The following NECTIN1 variants were observed in gnomAD, a reference collection of about 807,000 sequenced individuals.
The protein encoded by NECTIN1 is nectin cell adhesion molecule 1.
A neutral mutation model predicts 48.0 loss-of-function variants in NECTIN1; 23 were observed. That is an observed-to-expected ratio of 0.48 (90% CI 0.34 to 0.68). The LOEUF is 0.68. Ranked by LOEUF, NECTIN1 falls within the 30% of genes least tolerant of loss-of-function variation. The probability of loss-of-function intolerance (pLI) is 0.01; values close to 1 mark genes in which losing one functional copy is unlikely to be tolerated. For missense variants in NECTIN1, 591 were observed against 709.9 expected (o/e 0.83, Z 1.90); for synonymous variants, 270 against 288.9 (o/e 0.93, Z 0.66).
chr11:119,705,112 A>G (rs1404842093), intron 1 of NECTIN1, among the ~76,000 whole-genome samples: 1 of 152,166 alleles, frequency 6.6e-6, no homozygotes, highest in Non-Finnish European at 1.5e-5. Context: ...GGGTGGAACC[A>G]TAAGGGAGAT....
At chr11:119,700,058 G>A (rs779259314) in intron 1 of NECTIN1, among the ~76,000 whole-genome samples, 3 of 152,204 alleles carry the variant, frequency 2.0e-5, no homozygotes, top group Non-Finnish European at 2.9e-5. Flanking sequence ...GCACTGTAGC[G>A]ACAACCGTGT....
intron 1 of NECTIN1, among the ~76,000 whole-genome samples, chr11:119,702,098 C>G (rs1591476707): frequency 6.6e-6 from 1 of 152,194 alleles, no homozygotes; most frequent in African/African-American, 2.4e-5. Flanking sequence ...GTGGCACCAG[C>G]CTGGGGACAG....
chr11:119,648,415 GTGGTGATGGTGGTGA>G lies in NECTIN1; in HGVS notation c.1004-8418_1004-8404del, dbSNP rs1565376859. Among the ~76,000 whole-genome samples the G allele has an allele frequency of 3.2e-3, 99 of 31,258 alleles. 6 individuals carry two copies. The highest frequency in any genetic ancestry group is 3.9e-3 in the Non-Finnish European group (56 of 14,330). 20.5% of individuals were successfully genotyped at this position (31,258 alleles called of 152,430 possible). A position where few individuals can be genotyped will look rare whatever the true frequency, so the allele number is the denominator to read the frequency against. ...GGTGATGGTGGTGATGGTGATGGTGGTGGTGATGGTGGTGATGGTGGTGGTGCTGGGCCAGCTGCA... is the reference window on the plus strand; with the variant it reads ...GGTGATGGTGGTGATGGTGATGGTGGTGGTGGTGGTGCTGGGCCAGCTGCA... On this transcript the variant is annotated intron_variant, in intron 5 of 7. Coordinates refer to the NECTIN1 transcript ENST00000341398.
At chr11:119,716,437 C>T (rs1036398800) in intron 1 of NECTIN1, among the ~76,000 whole-genome samples, 4 of 152,178 alleles carry the variant, frequency 2.6e-5, no homozygotes, top group African/African-American at 9.7e-5. Context: ...ATGTTATTCG[C>T]CCCTTCCAGC....
At chr11:119,715,169 G>T (rs1261180688) in intron 1 of NECTIN1, among the ~76,000 whole-genome samples, 7 of 152,094 alleles carry the variant, frequency 4.6e-5, no homozygotes, top group Admixed American at 2.6e-4. Context: ...GTGGTTAGGG[G>T]TTTTAGGAAG....
In NECTIN1 at chr11:119,665,080, C is replaced by G. The variant is rs746230243; in HGVS notation, c.1221G>C (p.Gln407His). 3 of 1,613,890 alleles carry G rather than the reference C, an allele frequency of 1.9e-6. No homozygotes were observed. In the African/African-American group the frequency reaches 4.0e-5, roughly 22 times the overall value. ...GNGYSKAGIP[Q>H]HHPPMAQNLQ... is the part of the protein sequence containing the mutation. ...GGTTCTGTGCCATTGGTGGGTGGTG[C>G]TGGGGGATGCCTGCCTTGCTGTAGC... Residue 407 changes from glutamine (Q) to histidine (H), a missense_variant, in exon 6 of 6, where the codon CAG becomes CAC. By Grantham distance (24) the Gln-to-His change is conservative. Coordinates refer to ENST00000264025, the MANE Select transcript of NECTIN1 (RefSeq NM_002855.5). This position sits in a 1 kb window ranked among gnomAD's most constrained non-coding sequence, Gnocchi z 5.1.
Position 119,704,525 on chromosome 11 carries a change from T to G in NECTIN1, c.79+23950A>C, listed in dbSNP as rs575018909. 2.0e-5 allele frequency among the ~76,000 whole-genome samples: 3 copies of G among 152,186 alleles called. No homozygotes were observed. In the East Asian group the frequency reaches 5.8e-4, roughly 29 times the overall value. ...AGCCACTGCACGCAGTCCACCCCCG[T>G]GTTTCTTGAAATGGAGAGCCCAGAG... is the stretch of plus-strand genomic sequence containing the variant. On this transcript the variant is annotated intron_variant, in intron 1 of 5. Coordinates refer to ENST00000264025, the MANE Select transcript of NECTIN1 (RefSeq NM_002855.5).
At chr11:119,717,587 GTTA>G (rs1435091050) in intron 1 of NECTIN1, among the ~76,000 whole-genome samples, 1 of 152,176 alleles carries the variant, frequency 6.6e-6, no homozygotes, top group Non-Finnish European at 1.5e-5. Context: ...CCGCTCCAGT[GTTA>G]TTTACAGTGT....
At chr11:119,675,887 T>A (rs940918448) in intron 4 of NECTIN1, among the ~76,000 whole-genome samples, 1 of 152,038 alleles carries the variant, frequency 6.6e-6, no homozygotes, top group Non-Finnish European at 1.5e-5. Flanking sequence ...ACGCCTGTAG[T>A]CCCAGTTACT....
At position 119,678,530 on chromosome 11, in the gene NECTIN1, G is replaced by T. The variant is rs777561931; in HGVS notation, c.315C>A (p.Thr105=). The change falls in exon 2 of 6, where the codon ACC becomes ACA. Residue 105 remains threonine (T), a synonymous_variant. Transcript: ENST00000264025. This position sits in a 1 kb window ranked among gnomAD's most constrained non-coding sequence, Gnocchi z 4.4. ...GGCGGGAGAGGCGGATAGTGCCATC[G>T]GTGAAGGAGGGCCGCAGGAATTCCA... The part of the protein sequence containing the change: ...ERVEFLRPSF[T]DGTIRLSRLE... The T allele has an allele frequency of 6.2e-7, 1 of 1,614,214 alleles. No homozygotes were observed. Among genetic ancestry groups the T allele is most frequent in the Middle Eastern group, 1.6e-4 (1 of 6,062 alleles).
chr11:119,643,433 CGTCCAGATA>C (rs895220293), intron 5 of NECTIN1, among the ~76,000 whole-genome samples: 2 of 152,240 alleles, frequency 1.3e-5, no homozygotes, highest in African/African-American at 4.8e-5. Flanking sequence ...CGTTCAGGAT[CGTCCAGATA>C]GTCAGTGGCT....
In NECTIN1 at chr11:119,678,537, G is replaced by A; in HGVS notation, c.308C>T (p.Ser103Phe). 6.2e-7 allele frequency: 1 copy of A among 1,614,228 alleles called. No individual in the cohort carries two copies. The highest frequency in any genetic ancestry group is 8.5e-7 in the Non-Finnish European group (1 of 1,180,046). Residue 103 changes from serine (S) to phenylalanine (F), a missense_variant, in exon 2 of 6, where the codon TCC (serine) becomes TTC (phenylalanine). By Grantham distance (155) the Ser-to-Phe change is radical. Transcript: ENST00000264025. The surrounding 1 kb of genome is among the most constrained non-coding windows in gnomAD (Gnocchi z 4.4). ...GAGGCGGATAGTGCCATCGGTGAAG[G>A]AGGGCCGCAGGAATTCCACACGCTC... Reference protein sequence around the residue: ...YRERVEFLRPSFTDGTIRLSR... With the variant: ...YRERVEFLRPFFTDGTIRLSR...
intron 1 of NECTIN1, among the ~76,000 whole-genome samples, chr11:119,724,194 C>A (rs1057200461): frequency 4.6e-5 from 7 of 152,124 alleles, no homozygotes; most frequent in Admixed American, 4.6e-4. Flanking sequence ...TTCTTAAATA[C>A]CCATGTAGGA....
chr11:119,723,536 C>G (rs1170883503), intron 1 of NECTIN1, among the ~76,000 whole-genome samples: 1 of 152,222 alleles, frequency 6.6e-6, no homozygotes, highest in East Asian at 1.9e-4. Flanking sequence ...AGCCCCCACC[C>G]AGGGCAAACC....
rs1864708413 is a variant in NECTIN1, at chr11:119,663,638, C to A, written c.*1109G>T. The A allele has an allele frequency of 6.1e-6, 6 of 985,652 alleles. No individual in the cohort carries two copies. The highest frequency in any genetic ancestry group is 7.2e-6 in the Non-Finnish European group (6 of 829,980). The allele number at this position is 985,652 out of a possible 1,614,324, so 61.1% of individuals were successfully genotyped here. On this transcript the variant is annotated 3_prime_UTR_variant, in exon 6 of 6. Transcript: ENST00000264025. The stretch of plus-strand genomic sequence containing the variant: ...TACCCTCCGTGTGGATGCTTCTTTA[C>A]CTCTGACTCCTGCAGGTGGATCCCC...
intron 1 of NECTIN1, among the ~76,000 whole-genome samples, chr11:119,715,518 G>A (rs1243657374): frequency 1.3e-5 from 2 of 152,060 alleles, no homozygotes; most frequent in African/African-American, 4.8e-5. Context: ...ACCATGCCTG[G>A]CTAATTTTTG....
intron 7 of NECTIN1, chr11:119,638,261 C>T (rs753500998): frequency 2.2e-5 from 36 of 1,613,592 alleles, no homozygotes; most frequent in East Asian, 6.7e-5. Flanking sequence ...GAAGAGAAGG[C>T]GGTGAGTGCT....
At chr11:119,719,703 T>C (rs578139624) in intron 1 of NECTIN1, among the ~76,000 whole-genome samples, 40 of 152,326 alleles carry the variant, frequency 2.6e-4, no homozygotes, top group Admixed American at 2.3e-3. Flanking sequence ...ACTGGTCCCC[T>C]ATGCCAGGCC....
intron 1 of NECTIN1, among the ~76,000 whole-genome samples, chr11:119,724,468 G>T (rs1157507398): frequency 6.6e-6 from 1 of 152,142 alleles, no homozygotes; most frequent in Admixed American, 6.5e-5. Flanking sequence ...CATCATAGAG[G>T]CTTCCCACCC....
Sources: gnomAD v4.1 joint callset for allele counts (sites outside exome capture counted in the v4.1 genomes callset) on GRCh38, gnomAD v4.1.1 for gene constraint, Gnocchi (gnomAD v3.1) non-coding constraint, MANE v1.5 for transcripts, NCBI Gene and HGNC (gene_info 2026-07-23, HGNC 2026-07-21) for gene names.